NMB: variants seen among roughly 807,000 people sequenced by gnomAD.
NMB encodes the protein neuromedin B.
NMB carries 12 observed loss-of-function variants against 11.7 expected under a neutral mutation model. The ratio of observed to expected loss-of-function variants is 1.03; its 90% CI spans 0.66 to 1.66. NMB has a LOEUF of 1.66. NMB is among the 40% of genes most tolerant of loss of function. NMB has a pLI of 0.00. For synonymous variants in NMB, 76 were observed against 72.6 expected (o/e 1.05, Z -0.24); for missense variants, 174 against 157.9 (o/e 1.10, Z -0.55).
intron 2 of NMB, among the ~76,000 whole-genome samples, chr15:84,656,508 G>A (rs1489866677): frequency 2.1e-5 from 3 of 144,104 alleles, no homozygotes. Flanking sequence ...ACAACTTGAT[G>A]GGGGGGAAAG....
At chr15:84,657,837 C>T (rs1265348364) in intron 1 of NMB, among the ~76,000 whole-genome samples, 159 bp downstream of exon 1, 2 of 152,156 alleles carry the variant, frequency 1.3e-5, no homozygotes, top group African/African-American at 4.8e-5. Context: ...CTGACCTGTC[C>T]GGGTCTCAAG....
chr15:84,657,051 C>A, intron 2 of NMB, 125 bp downstream of exon 2: 1 of 852,398 alleles, frequency 1.2e-6, no homozygotes. Context: ...CTGGGGTCCA[C>A]ACCCATAATG....
rs1365451991 is a variant in NMB at position 84,655,202 on chromosome 15, G to A, written c.*172C>T. The A allele has an allele frequency of 2.7e-6, 4 of 1,484,084 alleles. No individual in the cohort carries two copies. The highest frequency in any genetic ancestry group is 2.0e-5 in the Admixed American group (1 of 49,228). 91.9% of individuals were successfully genotyped at this position (1,484,084 alleles called of 1,614,324 possible). On this transcript the variant is annotated 3_prime_UTR_variant, in exon 3 of 3. Transcript: ENST00000360476. ...GAAATACAGCAGGAACATAATCTGT[G>A]TCTGCATCAGCGATATTTCTGGTGA...
At position 84,657,202 on chromosome 15, in the gene NMB, G is replaced by C. The variant is rs1260957139; in HGVS notation, c.304C>G (p.Leu102Val). 10 of 1,611,806 alleles carry C rather than the reference G, an allele frequency of 6.2e-6. No individual in the cohort carries two copies. Among genetic ancestry groups the C allele is most frequent in the Non-Finnish European group, 8.5e-6 (10 of 1,179,278 alleles). The part of the protein sequence containing the change: ...LLLKKALGVS[L>V]SRPAPQIQYR... Reference sequence around the variant, plus strand: ...TGGATTTGGGGTGCGGGGCGGCTGAGGCTCACGCCCAGAGCCTTCTTTAGC... The same window carrying C: ...TGGATTTGGGGTGCGGGGCGGCTGACGCTCACGCCCAGAGCCTTCTTTAGC... The change falls in exon 2 of 3, where the codon CTC becomes GTC. Residue 102 changes from leucine to valine, a missense_variant. Leu to Val is a conservative substitution (Grantham distance 32). Coordinates refer to ENST00000360476, the MANE Select transcript of NMB (RefSeq NM_021077.4).
At chr15:84,657,455 C>T in intron 1 of NMB, 107 bp from the exon 2 acceptor site, 1 of 1,071,350 alleles carries the variant, frequency 9.3e-7, no homozygotes, top group Non-Finnish European at 1.3e-6. Context: ...CGGGAAGACA[C>T]TTAACCTTCC....
intron 2 of NMB, among the ~76,000 whole-genome samples, chr15:84,655,713 G>C (rs1179036586): frequency 6.6e-6 from 1 of 152,210 alleles, no homozygotes. Flanking sequence ...CTCTGCCCCA[G>C]ACCTCACTCT....
In NMB at chr15:84,658,040, G is replaced by T; in HGVS notation, c.113C>A (p.Ala38Asp). 6.3e-7 allele frequency: 1 copy of T among 1,593,578 alleles called. No homozygotes were observed. The highest frequency in any genetic ancestry group is 8.5e-7 in the Non-Finnish European group (1 of 1,171,798). Residue 38 changes from alanine (A) to aspartate (D), a missense_variant, in exon 1 of 3, where the codon GCC (alanine) becomes GAC (aspartate). Ala to Asp is a moderately radical substitution (Grantham distance 126). Transcript: ENST00000360476. ...TCGCGAGTGCACTCGGATCTTGCTG[G>T]CTCGGCTGCGGGGCTCCGGGAGATC... ...SWDLPEPRSR[A>D]SKIRVHSRGN...
chr15:84,657,924 C>T (rs1896805676), intron 1 of NMB, 72 bp downstream of exon 1: 1 of 1,497,568 alleles, frequency 6.7e-7, no homozygotes. Context: ...GAGGAGCGGC[C>T]AGAGGGTTGA....
In NMB at chr15:84,658,110, G is replaced by A. The variant is rs375604436; in HGVS notation, c.43C>T (p.Leu15=). The A allele has an allele frequency of 5.8e-6, 9 of 1,555,908 alleles. No individual in the cohort carries two copies. Among genetic ancestry groups the A allele is most frequent in the South Asian group, 1.2e-5 (1 of 86,418 alleles). Residue 15 remains leucine, a synonymous_variant, in exon 1 of 3, where the codon CTG becomes TTG. Coordinates refer to ENST00000360476, the MANE Select transcript of NMB (RefSeq NM_021077.4). The part of the protein sequence containing the change: ...AGGARMFGSL[L]LFALLAAGVA... ...CCGGCAGCGAGCAGGGCGAAGAGCA[G>A]GAGGCTGCCGAACATCCGAGCGCCC...
In NMB at chr15:84,658,132, G is replaced by T; in HGVS notation, c.21C>A (p.Gly7=). The T allele has an allele frequency of 7.3e-6, 11 of 1,512,694 alleles. No homozygotes were observed. Among genetic ancestry groups the T allele is most frequent in the African/African-American group, 1.4e-5 (1 of 69,416 alleles). 93.7% of individuals were successfully genotyped at this position (1,512,694 alleles called of 1,614,324 possible). MARRAG[G]ARMFGSLLLF... ...GCAGGAGGCTGCCGAACATCCGAGC[G>T]CCCCCCGCCCGCCGGGCCATGGCTG... is the stretch of plus-strand genomic sequence containing the variant. The change falls in exon 1 of 3, where the codon GGC becomes GGA. Residue 7 remains glycine, a synonymous_variant. Transcript: ENST00000360476.
Position 84,658,099 on chromosome 15 carries a change from G to A in NMB, c.54C>T (p.Ala18=). ...GCGGGGCGACGCCGGCAGCGAGCAG[G>A]GCGAAGAGCAGGAGGCTGCCGAACA... ...ARMFGSLLLF[A]LLAAGVAPLS... The change falls in exon 1 of 3, where the codon GCC becomes GCT. Residue 18 remains alanine (A), a synonymous_variant. Coordinates refer to ENST00000360476, the MANE Select transcript of NMB (RefSeq NM_021077.4). The A allele has an allele frequency of 1.3e-6, 2 of 1,574,306 alleles. No individual in the cohort carries two copies. The highest frequency in any genetic ancestry group is 1.7e-6 in the Non-Finnish European group (2 of 1,166,322).
rs1896762490 is a variant in NMB at position 84,655,407 on chromosome 15, G to A, written c.333C>T (p.Tyr111=). Reference sequence around the variant, plus strand: ...GCAGTATTTGTACCAGCAGCCTCCTGTACTGAAGAGAAACATACAGAAGAA... The same window carrying A: ...GCAGTATTTGTACCAGCAGCCTCCTATACTGAAGAGAAACATACAGAAGAA... ...SLSRPAPQIQ[Y]RRLLVQILQK The change falls in exon 3 of 3, where the codon TAC becomes TAT. Residue 111 remains tyrosine, a splice_region_variant and synonymous_variant. Coordinates refer to ENST00000360476, the MANE Select transcript of NMB (RefSeq NM_021077.4). The A allele has an allele frequency of 6.2e-7, 1 of 1,613,874 alleles. No homozygotes were observed. The highest frequency in any genetic ancestry group is 8.5e-7 in the Non-Finnish European group (1 of 1,179,982).
intron 1 of NMB, among the ~76,000 whole-genome samples, chr15:84,657,758 G>A (rs1401694233): frequency 6.6e-6 from 1 of 152,142 alleles, no homozygotes; most frequent in Admixed American, 6.5e-5. Flanking sequence ...AAGGGGCACC[G>A]GCTGGCAGTG....
intron 2 of NMB, 138 bp downstream of exon 2, chr15:84,657,038 T>G (rs1896791121): frequency 1.3e-6 from 1 of 749,160 alleles, no homozygotes; most frequent in South Asian, 2.4e-5. Context: ...GAAACCTGGC[T>G]TTCTGGGGTC....
rs751164253 is a variant in NMB at position 84,657,264 on chromosome 15, C to T, written c.242G>A (p.Arg81Gln). ...GAGCAGATCATGACTCAGCTGCAGT[C>T]GCTGGTCCCTCAGGGAGGTGTGGGG... ...TAPHTSLRDQ[R>Q]LQLSHDLLGI... The change falls in exon 2 of 3, where the codon CGA becomes CAA. Residue 81 changes from arginine (R) to glutamine (Q), a missense_variant. Arg to Gln is a conservative substitution (Grantham distance 43). Transcript: ENST00000360476. 1.2e-6 allele frequency: 2 copies of T among 1,608,388 alleles called. No homozygotes were observed. The highest frequency in any genetic ancestry group is 1.7e-6 in the Non-Finnish European group (2 of 1,177,586).
Position 84,655,273 on chromosome 15 carries a change from G to C in NMB, c.*101C>G. On this transcript the variant is annotated 3_prime_UTR_variant, in exon 3 of 3. Transcript: ENST00000360476. Reference sequence around the variant, plus strand: ...ATGGAGTAACAGAGATTTGAGCTCAGGATTTACATCCAGATGGGGCCATCA... The same window carrying C: ...ATGGAGTAACAGAGATTTGAGCTCACGATTTACATCCAGATGGGGCCATCA... 3 of 1,602,560 alleles carry C rather than the reference G, an allele frequency of 1.9e-6. No individual in the cohort carries two copies. The highest frequency in any genetic ancestry group is 2.7e-5 in the African/African-American group (2 of 74,584).
In NMB at chr15:84,658,179, C is replaced by T. The variant is rs1476451057; in HGVS notation, c.-27G>A. 2.1e-6 allele frequency: 3 copies of T among 1,430,186 alleles called. No individual in the cohort carries two copies. Among genetic ancestry groups the T allele is most frequent in the Non-Finnish European group, 2.7e-6 (3 of 1,106,290 alleles). The allele number at this position is 1,430,186 out of a possible 1,614,324, so 88.6% of individuals were successfully genotyped here. A position where few individuals can be genotyped will look rare whatever the true frequency, so the allele number is the denominator to read the frequency against. On this transcript the variant is annotated 5_prime_UTR_variant, in exon 1 of 3. Transcript: ENST00000360476. The stretch of plus-strand genomic sequence containing the variant: ...GCTGTGCCCGGGCCGCGGCTTCGTT[C>T]GGGCGCGCTTCCCGGCCGCTGGGCT...
rs747483012 is a variant in NMB, at chr15:84,658,163, G to A, written c.-11C>T. The stretch of plus-strand genomic sequence containing the variant: ...CGCCCGCCGGGCCATGGCTGTGCCC[G>A]GGCCGCGGCTTCGTTCGGGCGCGCT... On this transcript the variant is annotated 5_prime_UTR_variant, in exon 1 of 3. Transcript: ENST00000360476. 16 of 1,447,622 alleles carry A rather than the reference G, an allele frequency of 1.1e-5. No individual in the cohort carries two copies. Among genetic ancestry groups the A allele is most frequent in the African/African-American group, 1.1e-4 (7 of 66,418 alleles). 89.7% of individuals were successfully genotyped at this position (1,447,622 alleles called of 1,614,324 possible). A position where few individuals can be genotyped will look rare whatever the true frequency, so the allele number is the denominator to read the frequency against.
chr15:84,657,840 G>A (rs1489114247), intron 1 of NMB, among the ~76,000 whole-genome samples, 156 bp downstream of exon 1: 1 of 152,180 alleles, frequency 6.6e-6, no homozygotes, highest in African/African-American at 2.4e-5. Flanking sequence ...ACCTGTCCGG[G>A]TCTCAAGTAC....
Sources: gnomAD v4.1 joint callset for allele counts (sites outside exome capture counted in the v4.1 genomes callset) on GRCh38, gnomAD v4.1.1 for gene constraint, MANE v1.5 for transcripts, NCBI Gene and HGNC (gene_info 2026-07-23, HGNC 2026-07-21) for gene names.